The following AFF3 variants were observed in gnomAD, a reference collection of about 807,000 sequenced individuals.
AFF3 encodes ALF transcription elongation factor 3.
A neutral mutation model predicts 129.7 loss-of-function variants in AFF3; 32 were observed. The observed-to-expected ratio is 0.25, with a 90% CI of 0.19 to 0.33. AFF3 has a LOEUF of 0.33. Ranked by LOEUF, AFF3 falls within the 10% of genes least tolerant of loss-of-function variation. The pLI is 1.00. For synonymous variants in AFF3, 644 were observed against 635.4 expected (o/e 1.01, Z -0.20); for missense variants, 1,373 against 1,592.0 (o/e 0.86, Z 2.34).
In AFF3 at chr2:99,833,495, A is replaced by G. The variant is rs1363342085; in HGVS notation, c.921+3982T>C. Among the ~76,000 whole-genome samples the G allele has an allele frequency of 2.6e-5, 4 of 152,348 alleles. No homozygotes were observed. In the South Asian group the frequency reaches 8.3e-4, roughly 32 times the overall value. ...AGTAATCTGCTCAGATGTTACACTG[A>G]AATTGTCTCTAAATTCATTCCTTAA... On this transcript the variant is annotated intron_variant, in intron 8 of 24. Transcript: ENST00000672756.
chr2:100,062,650 C>G (rs375445969), intron 4 of AFF3, among the ~76,000 whole-genome samples: 2 of 152,108 alleles, frequency 1.3e-5, no homozygotes, highest in East Asian at 1.9e-4. Context: ...GCAGTACCCC[C>G]GCAGGACAGC....
chr2:100,140,298 T>C (rs1301803628), intron 1 of AFF3, among the ~76,000 whole-genome samples: 1 of 152,202 alleles, frequency 6.6e-6, no homozygotes, highest in Non-Finnish European at 1.5e-5. Flanking sequence ...CTCTGAGTAG[T>C]GGTGTAGAAA....
At position 99,551,266 on chromosome 2, in the gene AFF3, C is replaced by G; in HGVS notation, c.*208G>C. 1 of 633,916 alleles carries G rather than the reference C, an allele frequency of 1.6e-6. No homozygotes were observed. 39.3% of individuals were successfully genotyped at this position (633,916 alleles called of 1,614,324 possible). A position where few individuals can be genotyped will look rare whatever the true frequency, so the allele number is the denominator to read the frequency against. On this transcript the variant is annotated 3_prime_UTR_variant, in exon 25 of 25. Coordinates refer to ENST00000672756, the MANE Select transcript of AFF3 (RefSeq NM_001386135.1). ...GACAAAGAAGGTGTGTTCTGAAGAG[C>G]TGTGTATCTTACACACATACACAGG...
rs1011526751 is a variant in AFF3, at chr2:100,009,070, CAG to C, written c.54-140_54-139del. The C allele has an allele frequency of 3.8e-5, 45 of 1,180,452 alleles. No individual in the cohort carries two copies. In the African/African-American group the frequency reaches 6.7e-4, roughly 17 times the overall value. The allele number at this position is 1,180,452 out of a possible 1,614,324, so 73.1% of individuals were successfully genotyped here. On this transcript the variant is annotated intron_variant, in intron 4 of 24. Coordinates refer to ENST00000672756, the MANE Select transcript of AFF3 (RefSeq NM_001386135.1). ...ACAAGAACATGGATGAGACAAAAGC[CAG>C]AGTCATCAGGCAGTGTGCTGGGGTG...
chr2:100,017,518 T>C (rs987000686), intron 4 of AFF3, among the ~76,000 whole-genome samples: 3 of 152,178 alleles, frequency 2.0e-5, no homozygotes, highest in Non-Finnish European at 4.4e-5. Flanking sequence ...ACCACTTCTG[T>C]ACTCTATCTT....
chr2:100,129,474 C>A (rs1192941737), intron 1 of AFF3, among the ~76,000 whole-genome samples, 168 bp from the exon 2 acceptor site: 1 of 151,220 alleles, frequency 6.6e-6, no homozygotes, highest in Non-Finnish European at 1.5e-5. Flanking sequence ...TCAGGTCATT[C>A]TGCTGGGCAA....
chr2:99,713,916 G>C (rs1034976474), intron 11 of AFF3, among the ~76,000 whole-genome samples: 4 of 151,940 alleles, frequency 2.6e-5, no homozygotes, highest in Non-Finnish European at 5.9e-5. Context: ...GGCGAGGCTG[G>C]TCTTGAACTC....
intron 5 of AFF3, 147 bp downstream of exon 5, chr2:100,008,665 T>C (rs1351929808): frequency 1.0e-6 from 1 of 981,482 alleles, no homozygotes; most frequent in African/African-American, 1.6e-5. Flanking sequence ...GAAGACCCCG[T>C]ACTTGGTGGC....
intron 7 of AFF3, among the ~76,000 whole-genome samples, chr2:99,875,825 T>G (rs572824325): frequency 2.7e-4 from 41 of 152,288 alleles, no homozygotes; most frequent in African/African-American, 9.9e-4. Flanking sequence ...CACTTTGACA[T>G]TTACCCTCCA....
intron 4 of AFF3, among the ~76,000 whole-genome samples, chr2:100,103,348 T>G (rs971692192): frequency 3.3e-5 from 5 of 151,790 alleles, no homozygotes; most frequent in Admixed American, 2.6e-4. Flanking sequence ...AGCTCAGCTC[T>G]ACAATAAGCG....
chr2:99,827,028 C>T (rs529345120), intron 8 of AFF3, among the ~76,000 whole-genome samples: 1 of 152,262 alleles, frequency 6.6e-6, no homozygotes, highest in East Asian at 1.9e-4. Context: ...AAGAACCCAA[C>T]AGCATGGACA....
chr2:99,808,604 A>G (rs1686539167), intron 8 of AFF3, among the ~76,000 whole-genome samples: 1 of 152,206 alleles, frequency 6.6e-6, no homozygotes, highest in African/African-American at 2.4e-5. Flanking sequence ...CACTCAGGAA[A>G]GACTGCAGAA....
intron 11 of AFF3, among the ~76,000 whole-genome samples, chr2:99,701,036 G>T (rs1676807058): frequency 6.6e-6 from 1 of 152,226 alleles, no homozygotes; most frequent in South Asian, 2.1e-4. Context: ...CTGACTGACA[G>T]CATGTCCAGG....
chr2:99,677,400 G>T (rs1188445471), intron 11 of AFF3, among the ~76,000 whole-genome samples: 1 of 152,168 alleles, frequency 6.6e-6, no homozygotes, highest in Non-Finnish European at 1.5e-5. Flanking sequence ...TTACAGTAGA[G>T]TCTGAACCAG....
chr2:100,058,618 C>T (rs769676779), intron 4 of AFF3, among the ~76,000 whole-genome samples: 20 of 152,138 alleles, frequency 1.3e-4, no homozygotes, highest in Non-Finnish European at 2.4e-4. Flanking sequence ...TAGCCTCTAC[C>T]AAAATTACAT....
At chr2:99,592,410 C>A (rs1022852955) in intron 15 of AFF3, among the ~76,000 whole-genome samples, 3 of 152,148 alleles carry the variant, frequency 2.0e-5, no homozygotes, top group Non-Finnish European at 4.4e-5. Flanking sequence ...CAGGGTCTGC[C>A]GTATTCATTT....
chr2:99,933,719 C>T, intron 7 of AFF3, among the ~76,000 whole-genome samples: 1 of 152,090 alleles, frequency 6.6e-6, no homozygotes, highest in East Asian at 1.9e-4. Flanking sequence ...TGTATATGTG[C>T]CACATTTTCT....
intron 22 of AFF3, among the ~76,000 whole-genome samples, chr2:99,555,479 G>T (rs910046302): frequency 6.6e-6 from 1 of 152,204 alleles, no homozygotes; most frequent in Non-Finnish European, 1.5e-5. Context: ...CAGACAGGAT[G>T]TTCAAACATT....
At chr2:100,003,297 G>A (rs1274249684) in intron 7 of AFF3, among the ~76,000 whole-genome samples, 2 of 152,166 alleles carry the variant, frequency 1.3e-5, no homozygotes, top group Non-Finnish European at 2.9e-5. Flanking sequence ...TACATGCTGA[G>A]CACAAAATAT....
Sources: gnomAD v4.1 joint callset for allele counts (sites outside exome capture counted in the v4.1 genomes callset) on GRCh38, gnomAD v4.1.1 for gene constraint, MANE v1.5 for transcripts, NCBI Gene and HGNC (gene_info 2026-07-23, HGNC 2026-07-21) for gene names.